The following RORA variants were observed in gnomAD, a reference collection of about 807,000 sequenced individuals.
RORA encodes the protein nuclear receptor ROR-alpha.
Under a neutral mutation model 69.5 loss-of-function variants are expected in RORA, and 7 were observed. That is an observed-to-expected ratio of 0.10 (90% CI 0.06 to 0.19). The LOEUF is 0.19. RORA is among the 10% of genes least tolerant of loss of function. RORA has a pLI of 1.00. For missense variants in RORA, 457 were observed against 663.0 expected, an observed-to-expected ratio of 0.69 and a Z score of 3.41; for synonymous variants, 261 against 240.8, an observed-to-expected ratio of 1.08 and a Z score of -0.78.
chr15:61,197,657 C>T (rs1402364191), intron 1 of RORA, among the ~76,000 whole-genome samples: 1 of 152,190 alleles, frequency 6.6e-6, no homozygotes, highest in Non-Finnish European at 1.5e-5. Context: ...TGGGAACCGT[C>T]AAGATGTCAA....
At chr15:61,159,746 G>C (rs909708520) in intron 1 of RORA, among the ~76,000 whole-genome samples, 3 of 152,212 alleles carry the variant, frequency 2.0e-5, no homozygotes, top group African/African-American at 7.2e-5. Context: ...TGTGCATTAT[G>C]TATGTTTTAC....
rs548904698 is a variant in RORA at position 61,047,893 on chromosome 15, AC to A, written c.166+181159del. On this transcript the variant is annotated intron_variant, in intron 1 of 10. Transcript: ENST00000335670. ...TTCATTCAACAAGCATTTCTTGCGG[AC>A]CCATTTTCCACGACAGAACCATCCA... Among the ~76,000 whole-genome samples the A allele has an allele frequency of 3.4e-3, 513 of 152,282 alleles. 3 individuals are homozygous for A. Among genetic ancestry groups the A allele is most frequent in the Admixed American group, 5.9e-3 (90 of 15,294 alleles).
At chr15:60,542,387 C>T (rs1321625790) in intron 2 of RORA, among the ~76,000 whole-genome samples, 4 of 151,730 alleles carry the variant, frequency 2.6e-5, no homozygotes, top group African/African-American at 7.3e-5. Flanking sequence ...ACCACACATA[C>T]GTACACTACA....
At chr15:60,710,598 G>C (rs2071129653) in intron 1 of RORA, among the ~76,000 whole-genome samples, 1 of 152,198 alleles carries the variant, frequency 6.6e-6, no homozygotes, top group Admixed American at 6.5e-5. Flanking sequence ...ATGTGGTGCA[G>C]GATATGTTCA....
chr15:60,911,393 A>G (rs550133048), intron 1 of RORA, among the ~76,000 whole-genome samples: 36 of 152,286 alleles, frequency 2.4e-4, no homozygotes, highest in African/African-American at 8.2e-4. Context: ...ACATCAGATC[A>G]ACCCAATTTT....
At chr15:61,199,747 C>T (rs1379327975) in intron 1 of RORA, among the ~76,000 whole-genome samples, 1 of 152,186 alleles carries the variant, frequency 6.6e-6, no homozygotes, top group Non-Finnish European at 1.5e-5. Context: ...AATGTAATCA[C>T]ATATGACAAG....
chr15:61,184,355 C>G (rs115560435), intron 1 of RORA, among the ~76,000 whole-genome samples: 1 of 152,130 alleles, frequency 6.6e-6, no homozygotes, highest in African/African-American at 2.4e-5. Context: ...CCAAACTTCA[C>G]GCATTACATC....
intron 3 of RORA, among the ~76,000 whole-genome samples, chr15:60,515,941 A>T (rs1206374488): frequency 5.9e-5 from 1 of 17,066 alleles, no homozygotes; most frequent in Admixed American, 1.1e-3. Flanking sequence ...ATATATATTT[A>T]TATATATTTA....
Position 60,662,526 on chromosome 15 carries a change from C to T in RORA, c.196+16131G>A, listed in dbSNP as rs543528974. ...TTTATAATTGAGAAAAATGTGTTAA[C>T]GCTCTGGAATGTCCATGTGTGGAAA... On this transcript the variant is annotated intron_variant, in intron 2 of 10. Transcript: ENST00000335670. Among the ~76,000 whole-genome samples the T allele has an allele frequency of 5.3e-5, 8 of 152,218 alleles. No homozygotes were observed. In the East Asian group the frequency reaches 5.8e-4, roughly 11 times the overall value.
At chr15:60,599,681 C>T (rs1459806439) in intron 2 of RORA, among the ~76,000 whole-genome samples, 1 of 152,170 alleles carries the variant, frequency 6.6e-6, no homozygotes, top group Non-Finnish European at 1.5e-5. Context: ...GGAGAAAGCC[C>T]AGAATGTAGG....
chr15:60,578,826 C>T (rs1284820725), intron 2 of RORA, among the ~76,000 whole-genome samples: 1 of 148,902 alleles, frequency 6.7e-6, no homozygotes, highest in African/African-American at 2.5e-5. Flanking sequence ...TTAAGTGGCA[C>T]AATCTCGGCT....
chr15:60,566,078 A>G (rs909767759), intron 2 of RORA, among the ~76,000 whole-genome samples: 11 of 152,208 alleles, frequency 7.2e-5, no homozygotes, highest in Non-Finnish European at 1.3e-4. Context: ...CTATTAGGTG[A>G]TGTGATCAAG....
intron 1 of RORA, among the ~76,000 whole-genome samples, chr15:60,950,108 G>C (rs1893038589): frequency 6.6e-6 from 1 of 151,476 alleles, no homozygotes. Context: ...AACCCTACAA[G>C]CCAGAAGAGA....
intron 1 of RORA, among the ~76,000 whole-genome samples, chr15:61,101,761 A>G (rs1338267278): frequency 6.6e-6 from 1 of 152,000 alleles, no homozygotes; most frequent in Non-Finnish European, 1.5e-5. Context: ...GTGGAGGAAA[A>G]GGAGGTGGAC....
chr15:61,168,106 A>G (rs1020410658), intron 1 of RORA, among the ~76,000 whole-genome samples: 2 of 150,506 alleles, frequency 1.3e-5, no homozygotes, highest in African/African-American at 4.9e-5. Flanking sequence ...CTTGTAATGT[A>G]TATATATAAT....
At chr15:60,606,255 CA>C (rs148315394) in intron 2 of RORA, among the ~76,000 whole-genome samples, 58 of 152,296 alleles carry the variant, frequency 3.8e-4, no homozygotes, top group Admixed American at 1.2e-3. Context: ...GCCCAGCAAG[CA>C]TTCAGTAAAT....
chr15:60,769,395 G>A (rs556679410), intron 1 of RORA, among the ~76,000 whole-genome samples: 1 of 152,050 alleles, frequency 6.6e-6, no homozygotes, highest in Non-Finnish European at 1.5e-5. Flanking sequence ...GTAATATCTC[G>A]ATGAAGTTGC....
chr15:60,661,102 A>G (rs2070297521), intron 2 of RORA, among the ~76,000 whole-genome samples: 1 of 150,412 alleles, frequency 6.6e-6, no homozygotes, highest in Non-Finnish European at 1.5e-5. Context: ...TTTTCAGGAA[A>G]AAATTAAAGA....
intron 2 of RORA, among the ~76,000 whole-genome samples, chr15:60,596,116 A>C (rs1358192229): frequency 2.6e-5 from 4 of 152,216 alleles, no homozygotes; most frequent in Non-Finnish European, 4.4e-5. Context: ...GTTTTTCACC[A>C]CACAAGTTCT....
Sources: gnomAD v4.1 joint callset for allele counts (sites outside exome capture counted in the v4.1 genomes callset) on GRCh38, gnomAD v4.1.1 for gene constraint, MANE v1.5 for transcripts, NCBI Gene and HGNC (gene_info 2026-07-23, HGNC 2026-07-21) for gene names.